RPGRIP1: variants seen among roughly 807,000 people sequenced by gnomAD.
RPGRIP1 encodes X-linked retinitis pigmentosa GTPase regulator-interacting protein 1.
RPGRIP1 carries 128 observed loss-of-function variants against 157.9 expected under a neutral mutation model. The observed-to-expected ratio is 0.81, with a 90% CI of 0.70 to 0.94. The LOEUF (loss-of-function observed/expected upper bound fraction) is 0.94, where lower values mean the gene tolerates loss of function less well. Ranked by LOEUF, RPGRIP1 falls within the 40% of genes least tolerant of loss-of-function variation. The probability of loss-of-function intolerance (pLI) is 0.00; values close to 1 mark genes in which losing one functional copy is unlikely to be tolerated. For synonymous variants in RPGRIP1, 554 were observed against 571.6 expected (o/e 0.97, Z 0.44); for missense variants, 1,486 against 1,545.8 (o/e 0.96, Z 0.65).
At chr14:21,341,067 A>T (rs961579160) in intron 21 of RPGRIP1, among the ~76,000 whole-genome samples, 2 of 151,274 alleles carry the variant, frequency 1.3e-5, no homozygotes, top group African/African-American at 4.9e-5. Flanking sequence ...GTTTTTTGAG[A>T]CCCAGTCTCA....
chr14:21,299,973 C>A (rs1015719651), intron 3 of RPGRIP1, among the ~76,000 whole-genome samples: 1 of 152,100 alleles, frequency 6.6e-6, no homozygotes, highest in Non-Finnish European at 1.5e-5. Context: ...CCAGTTAGGG[C>A]CCCACCCTTG....
At chr14:21,321,212 AC>A in intron 12 of RPGRIP1, 46 bp from the exon 13 acceptor site, 1 of 1,559,082 alleles carries the variant, frequency 6.4e-7, no homozygotes, top group Non-Finnish European at 8.7e-7. Flanking sequence ...TTATTACTTT[AC>A]CTGTCATATT....
intron 21 of RPGRIP1, among the ~76,000 whole-genome samples, chr14:21,339,721 C>G (rs1299708675): frequency 6.6e-6 from 1 of 152,094 alleles, no homozygotes; most frequent in African/African-American, 2.4e-5. Flanking sequence ...GTGCCAAGTG[C>G]TTGATATTCA....
At chr14:21,317,107 G>A (rs1280390840) in intron 10 of RPGRIP1, among the ~76,000 whole-genome samples, 6 of 150,808 alleles carry the variant, frequency 4.0e-5, no homozygotes, top group African/African-American at 1.5e-4. Flanking sequence ...GTGACAGCTC[G>A]AGATTCTGTC....
chr14:21,344,413 C>T (rs181213622), intron 22 of RPGRIP1, among the ~76,000 whole-genome samples: 1 of 152,278 alleles, frequency 6.6e-6, no homozygotes, highest in East Asian at 1.9e-4. Flanking sequence ...TCTTGTTCTG[C>T]TCTAGCCCAC....
chr14:21,326,364 T>G (rs534844544), intron 17 of RPGRIP1, among the ~76,000 whole-genome samples, 191 bp downstream of exon 17: 10 of 152,164 alleles, frequency 6.6e-5, no homozygotes, highest in East Asian at 1.9e-4. Context: ...AACACTGGCT[T>G]CTTCTGCTTC....
intron 2 of RPGRIP1, among the ~76,000 whole-genome samples, chr14:21,289,098 C>T (rs1042007499): frequency 3.3e-5 from 5 of 152,014 alleles, no homozygotes; most frequent in African/African-American, 4.8e-5. Flanking sequence ...GAGGCCGAGA[C>T]GGGCAGATCA....
intron 16 of RPGRIP1, 144 bp downstream of exon 16, chr14:21,325,527 T>C: frequency 1.2e-6 from 1 of 859,598 alleles, no homozygotes; most frequent in African/African-American, 1.7e-5. Flanking sequence ...TCTGGATTAT[T>C]CCCTTGGTCA....
intron 11 of RPGRIP1, among the ~76,000 whole-genome samples, chr14:21,318,840 C>CTT (rs34157462): frequency 1.4e-5 from 2 of 143,314 alleles, no homozygotes; most frequent in Non-Finnish European, 1.5e-5. Context: ...AACTGGAATA[C>CTT]TTTTTTTTTT....
At chr14:21,292,096 T>C (rs1273356167) in intron 2 of RPGRIP1, among the ~76,000 whole-genome samples, 1 of 152,170 alleles carries the variant, frequency 6.6e-6, no homozygotes. Flanking sequence ...TTCACTGTGT[T>C]GCCCAGGCTG....
intron 1 of RPGRIP1, among the ~76,000 whole-genome samples, chr14:21,287,136 G>A (rs1248217199): frequency 3.9e-5 from 6 of 152,142 alleles, no homozygotes; most frequent in African/African-American, 7.2e-5. Flanking sequence ...GGTGGCTCAC[G>A]CCTGTAATCC....
chr14:21,303,818 C>T (rs567693953), intron 6 of RPGRIP1, among the ~76,000 whole-genome samples: 2 of 151,446 alleles, frequency 1.3e-5, no homozygotes, highest in Admixed American at 1.3e-4. Context: ...GAAACCCTGT[C>T]TCTACTAAAA....
chr14:21,306,140 T>C (rs1881293789), intron 6 of RPGRIP1, among the ~76,000 whole-genome samples: 1 of 89,852 alleles, frequency 1.1e-5, no homozygotes, highest in Non-Finnish European at 2.3e-5. Context: ...TTTTTTTTTT[T>C]TTTTTTTTTG....
At chr14:21,329,855 C>G (rs998447185) in intron 19 of RPGRIP1, among the ~76,000 whole-genome samples, 1 of 151,212 alleles carries the variant, frequency 6.6e-6, no homozygotes. Context: ...TGGTGACTCA[C>G]GCCTATAATC....
rs1883084009 is a variant in RPGRIP1 at position 21,326,174 on chromosome 14, G to A, written c.2710+1G>A. On this transcript the variant is annotated splice_donor_variant, in intron 17 of 24. Transcript: ENST00000400017. LOFTEE classifies it high-confidence loss of function. ...CTTGCAAAAAATGAATCTATCAAAG[G>A]TGGGAGTTCGAGGTTATTACATCTT... The A allele has an allele frequency of 1.9e-6, 3 of 1,556,082 alleles. No individual in the cohort carries two copies. Among genetic ancestry groups the A allele is most frequent in the Admixed American group, 1.9e-5 (1 of 53,530 alleles).
chr14:21,281,041 C>A (rs1334872116), intron 1 of RPGRIP1, among the ~76,000 whole-genome samples: 3 of 146,560 alleles, frequency 2.0e-5, no homozygotes, highest in African/African-American at 7.6e-5. Flanking sequence ...TTTTTTGAGA[C>A]AGAATCTCTC....
intron 19 of RPGRIP1, among the ~76,000 whole-genome samples, chr14:21,328,971 C>T (rs1883412318): frequency 6.6e-6 from 1 of 152,002 alleles, no homozygotes; most frequent in African/African-American, 2.4e-5. Context: ...TGGTGAAACC[C>T]TGTCTCTACT....
intron 21 of RPGRIP1, among the ~76,000 whole-genome samples, chr14:21,340,095 A>C (rs1884834915): frequency 6.6e-6 from 1 of 152,188 alleles, no homozygotes; most frequent in African/African-American, 2.4e-5. Context: ...GGTAGACTGT[A>C]CTCATCTCAG....
chr14:21,285,087 T>G (rs1880253167), intron 1 of RPGRIP1, among the ~76,000 whole-genome samples: 1 of 151,974 alleles, frequency 6.6e-6, no homozygotes, highest in Non-Finnish European at 1.5e-5. Flanking sequence ...AAAGTCACTA[T>G]GTTTTAGTGA....
Sources: gnomAD v4.1 joint callset for allele counts (sites outside exome capture counted in the v4.1 genomes callset) on GRCh38, gnomAD v4.1.1 for gene constraint, MANE v1.5 for transcripts, NCBI Gene and HGNC (gene_info 2026-07-23, HGNC 2026-07-21) for gene names.